Variants in ECPAS observed in about 807,000 individuals in gnomAD.
ECPAS encodes the protein Ecm29 proteasome adaptor and scaffold.
Under a neutral mutation model 255.1 loss-of-function variants are expected in ECPAS, and 70 were observed. The observed-to-expected ratio is 0.27, with a 90% CI of 0.23 to 0.33. The LOEUF (loss-of-function observed/expected upper bound fraction) is 0.33. Ranked by LOEUF, ECPAS falls within the 10% of genes least tolerant of loss-of-function variation. The pLI is 1.00. For synonymous variants in ECPAS, 784 were observed against 775.0 expected (o/e 1.01, Z -0.19); for missense variants, 1,817 against 2,206.4 (o/e 0.82, Z 3.54).
intron 23 of ECPAS, 136 bp from the exon 24 acceptor site, chr9:111,408,808 A>G: frequency 2.1e-6 from 1 of 486,876 alleles, no homozygotes; most frequent in Non-Finnish European, 3.7e-6. Context: ...CAAAAGCATC[A>G]AATTTTACAG....
At chr9:111,409,040 C>T (rs149400428) in intron 23 of ECPAS, among the ~76,000 whole-genome samples, 665 of 152,310 alleles carry the variant, frequency 4.4e-3, no homozygotes, top group Non-Finnish European at 6.4e-3. Flanking sequence ...GTTATTTCCC[C>T]TCTGTGACTC....
At chr9:111,378,531 G>A in intron 36 of ECPAS, 49 bp downstream of exon 36, 1 of 1,562,862 alleles carries the variant, frequency 6.4e-7, no homozygotes, top group Non-Finnish European at 8.7e-7. Context: ...TATCTTAACA[G>A]GGCTCTTCCC....
In ECPAS at chr9:111,436,801, C is replaced by A. The variant is rs1589196572; in HGVS notation, c.708+139G>T. 7.0e-6 allele frequency: 5 copies of A among 717,200 alleles called. No individual in the cohort carries two copies. The South Asian group carries it at 1.1e-4, about 15-fold the overall frequency. The allele number at this position is 717,200 out of a possible 1,614,324, so 44.4% of individuals were successfully genotyped here. On this transcript the variant is annotated intron_variant, in intron 7 of 49. Transcript: ENST00000684092. ...ATAAATAACTAGCATGAAAAGAACA[C>A]ATTACATCAACTGCTTCTTTCAAAC... is the stretch of plus-strand genomic sequence containing the variant.
At chr9:111,386,355 C>T (rs774510010) in intron 32 of ECPAS, 22 bp downstream of exon 32, 2 of 1,469,022 alleles carry the variant, frequency 1.4e-6, no homozygotes, top group East Asian at 4.5e-5. Context: ...TTTGACTAAA[C>T]TTATATTCCT....
rs537167160 is a variant in ECPAS, at chr9:111,465,045, G to A, written c.22+7852C>T. Among the ~76,000 whole-genome samples, 20 of 151,978 alleles carry A rather than the reference G, an allele frequency of 1.3e-4. No homozygotes were observed. The South Asian group carries it at 4.2e-3, about 32-fold the overall frequency. ...CTAAAAATACAAGGAGGCTGAGGCAGGAGAATAGCTTAAGCCCGGGAGGTG... is the reference window on the plus strand; with the variant it reads ...CTAAAAATACAAGGAGGCTGAGGCAAGAGAATAGCTTAAGCCCGGGAGGTG... On this transcript the variant is annotated intron_variant, in intron 2 of 49. Transcript: ENST00000684092.
At chr9:111,376,065 C>G (rs1262719869) in intron 37 of ECPAS, among the ~76,000 whole-genome samples, 2 of 152,320 alleles carry the variant, frequency 1.3e-5, no homozygotes, top group East Asian at 3.9e-4. Context: ...AACATATCGA[C>G]ATTGCCCAAT....
At chr9:111,433,760 T>C (rs1008048423) in intron 7 of ECPAS, among the ~76,000 whole-genome samples, 18 of 152,222 alleles carry the variant, frequency 1.2e-4, no homozygotes, top group South Asian at 8.3e-4. Flanking sequence ...AAGTCCAAAT[T>C]TGGGGCCTCC....
Position 111,376,559 on chromosome 9 carries a change from AAG to A in ECPAS, c.3955-20_3955-19del. ...ATCGCAGCCTAAAGAAGAGAAATTA[AAG>A]TCACCCGGCACATTCAATTAATTAG... On this transcript the variant is annotated intron_variant, in intron 36 of 49. Coordinates refer to ENST00000684092, the MANE Select transcript of ECPAS (RefSeq NM_001364929.1). 4 of 1,577,856 alleles carry A rather than the reference AAG, an allele frequency of 2.5e-6. No individual in the cohort carries two copies. In the South Asian group the frequency reaches 4.6e-5, roughly 18 times the overall value.
chr9:111,389,859 T>G (rs1341268933), intron 30 of ECPAS, 125 bp downstream of exon 30: 15 of 1,157,290 alleles, frequency 1.3e-5, no homozygotes, highest in Non-Finnish European at 1.8e-5. Context: ...ATTTGTGGGG[T>G]TCAGCTTTCT....
chr9:111,433,488 T>C (rs183191116), intron 7 of ECPAS, 116 bp from the exon 8 acceptor site: 311 of 957,228 alleles, frequency 3.2e-4, no homozygotes, highest in Non-Finnish European at 2.8e-4. Flanking sequence ...GTAACAACAG[T>C]AGCAGCTCCT....
intron 24 of ECPAS, among the ~76,000 whole-genome samples, chr9:111,400,476 G>A (rs2098174170): frequency 6.6e-6 from 1 of 152,178 alleles, no homozygotes; most frequent in Non-Finnish European, 1.5e-5. Context: ...GTAGATATGT[G>A]ACCTCTCAGA....
intron 35 of ECPAS, among the ~76,000 whole-genome samples, chr9:111,380,850 T>C (rs1250873058): frequency 1.3e-5 from 2 of 152,252 alleles, no homozygotes; most frequent in Non-Finnish European, 2.9e-5. Flanking sequence ...CTTCCAACTT[T>C]TCTTCTGCAG....
In ECPAS at chr9:111,467,020, C is replaced by A. The variant is rs564825739; in HGVS notation, c.22+5877G>T. 4.0e-3 allele frequency among the ~76,000 whole-genome samples: 606 copies of A among 152,230 alleles called. 7 individuals are homozygous for A. The highest frequency in any genetic ancestry group is 9.7e-3 in the South Asian group (47 of 4,832). On this transcript the variant is annotated intron_variant, in intron 2 of 49. Coordinates refer to ENST00000684092, the MANE Select transcript of ECPAS (RefSeq NM_001364929.1). The stretch of plus-strand genomic sequence containing the variant: ...TCCTCCTACCCGCATAAAAAGAAAA[C>A]GACCAGTAAAGGTTTAAAGACTTCA...
chr9:111,418,322 A>G (rs1005408386), intron 16 of ECPAS, among the ~76,000 whole-genome samples: 20 of 152,232 alleles, frequency 1.3e-4, no homozygotes, highest in African/African-American at 4.1e-4. Context: ...GTTAAACCAT[A>G]AACAACTATA....
chr9:111,422,209 G>T lies in ECPAS; in HGVS notation c.1266-9C>A, dbSNP rs776845465. On this transcript the variant is annotated splice_polypyrimidine_tract_variant and intron_variant, in intron 13 of 49. Coordinates refer to ENST00000684092, the MANE Select transcript of ECPAS (RefSeq NM_001364929.1). ...ATAAATGTGGCATCCGACTGCAAAA[G>T]AATGTAAAAATATTGTTACTATCAT... 87 of 1,610,458 alleles carry T rather than the reference G, an allele frequency of 5.4e-5. No homozygotes were observed. In the Admixed American group the frequency reaches 1.4e-3, roughly 26 times the overall value.
In ECPAS at chr9:111,370,424, G is replaced by A; in HGVS notation, c.4974+11C>T. On this transcript the variant is annotated intron_variant, in intron 45 of 49. Coordinates refer to ENST00000684092, the MANE Select transcript of ECPAS (RefSeq NM_001364929.1). ...AGTATAAACCAGAACTGAGGATACA[G>A]GTGGTATTACCTTCTTGATGAGAGG... 1 of 1,537,974 alleles carries A rather than the reference G, an allele frequency of 6.5e-7. No homozygotes were observed. Among genetic ancestry groups the A allele is most frequent in the Non-Finnish European group, 8.8e-7 (1 of 1,131,774 alleles).
rs1589232008 is a variant in ECPAS, at chr9:111,466,205, T to C, written c.22+6692A>G. On this transcript the variant is annotated intron_variant, in intron 2 of 49. Transcript: ENST00000684092. Reference sequence around the variant, plus strand: ...GGCTCACACCTGTAATCCCAGCATTTTGGGAGGCCGAGGTAAGTGATCACG... The same window carrying C: ...GGCTCACACCTGTAATCCCAGCATTCTGGGAGGCCGAGGTAAGTGATCACG... Among the ~76,000 whole-genome samples, 7 of 152,138 alleles carry C rather than the reference T, an allele frequency of 4.6e-5. No individual in the cohort carries two copies. The South Asian group carries it at 1.5e-3, about 32-fold the overall frequency.
In ECPAS at chr9:111,371,811, C is replaced by T. The variant is rs769118286; in HGVS notation, c.4547G>A (p.Arg1516Gln). 122 of 1,612,216 alleles carry T rather than the reference C, an allele frequency of 7.6e-5. 1 individual carries two copies. The South Asian group carries it at 1.2e-3, about 16-fold the overall frequency. The change falls in exon 43 of 50, where the codon CGA becomes CAA. Residue 1516 changes from arginine to glutamine, a missense_variant. Transcript: ENST00000684092. ...ENVPGSFGGIRLYLQELITIT... is the reference protein window; with the variant it reads ...ENVPGSFGGIQLYLQELITIT... ...AGTAATTAACTCCTGCAGGTATAAT[C>T]GAATGCCACCAAAGGATCCTAGGAA...
intron 35 of ECPAS, among the ~76,000 whole-genome samples, chr9:111,382,677 T>C (rs968547491): frequency 1.1e-4 from 17 of 152,234 alleles, no homozygotes; most frequent in African/African-American, 3.4e-4. Flanking sequence ...ACTGGCAGTA[T>C]TATTAATAAT....
Sources: gnomAD v4.1 joint callset for allele counts (sites outside exome capture counted in the v4.1 genomes callset) on GRCh38, gnomAD v4.1.1 for gene constraint, MANE v1.5 for transcripts, NCBI Gene and HGNC (gene_info 2026-07-23, HGNC 2026-07-21) for gene names.